Variants in CCSER1 observed in about 807,000 individuals in gnomAD.
The protein encoded by CCSER1 is coiled-coil serine rich protein 1.
In CCSER1, 41 loss-of-function variants were observed where a neutral mutation model predicts 82.0. The ratio of observed to expected loss-of-function variants is 0.50; its 90% confidence interval spans 0.39 to 0.65. CCSER1 has a LOEUF of 0.65. Ranked by LOEUF, CCSER1 falls within the 30% of genes least tolerant of loss-of-function variation. The pLI, the probability that CCSER1 is intolerant of heterozygous loss-of-function variation, is 0.00. For missense variants in CCSER1, 1,119 were observed against 1,064.2 expected (o/e 1.05, Z -0.72); for synonymous variants, 414 against 383.9 (o/e 1.08, Z -0.92).
intron 9 of CCSER1, among the ~76,000 whole-genome samples, chr4:90,952,634 CAT>C (rs1377392242): frequency 6.6e-6 from 1 of 152,044 alleles, no homozygotes; most frequent in African/African-American, 2.4e-5. Flanking sequence ...ATCATAATGT[CAT>C]AGTCCTAGAC....
At chr4:90,369,761 T>C (rs1373660210) in intron 3 of CCSER1, among the ~76,000 whole-genome samples, 1 of 151,966 alleles carries the variant, frequency 6.6e-6, no homozygotes, top group Non-Finnish European at 1.5e-5. Flanking sequence ...CACCTACCCC[T>C]CCAGTTCTAA....
At chr4:90,485,800 G>A (rs575752801) in intron 5 of CCSER1, among the ~76,000 whole-genome samples, 2 of 152,166 alleles carry the variant, frequency 1.3e-5, no homozygotes, top group East Asian at 3.9e-4. Context: ...AATACAGTAT[G>A]TGGTTTTCTG....
chr4:91,515,540 C>G (rs1702182360), intron 10 of CCSER1, among the ~76,000 whole-genome samples: 1 of 152,114 alleles, frequency 6.6e-6, no homozygotes, highest in African/African-American at 2.4e-5. Context: ...TAATCTTGTT[C>G]TTTTTATGGC....
intron 4 of CCSER1, among the ~76,000 whole-genome samples, chr4:90,455,619 C>A (rs992280796): frequency 6.6e-6 from 1 of 152,150 alleles, no homozygotes; most frequent in African/African-American, 2.4e-5. Flanking sequence ...TTTCTTCTGA[C>A]CTTATATCCC....
At chr4:91,208,224 C>T (rs899930192) in intron 10 of CCSER1, among the ~76,000 whole-genome samples, 8 of 151,668 alleles carry the variant, frequency 5.3e-5, no homozygotes, top group South Asian at 2.1e-4. Context: ...TGTGCAGAAG[C>T]GCTTTAATTA....
At chr4:90,363,457 C>G (rs999573416) in intron 3 of CCSER1, among the ~76,000 whole-genome samples, 1 of 152,038 alleles carries the variant, frequency 6.6e-6, no homozygotes, top group Non-Finnish European at 1.5e-5. Flanking sequence ...CTAAAGTACA[C>G]CAGATCTGTT....
At chr4:91,124,808 C>A (rs1457294140) in intron 10 of CCSER1, among the ~76,000 whole-genome samples, 1 of 151,646 alleles carries the variant, frequency 6.6e-6, no homozygotes, top group Non-Finnish European at 1.5e-5. Flanking sequence ...TCTTAGTAAT[C>A]AGAGTTTGGA....
intron 7 of CCSER1, among the ~76,000 whole-genome samples, chr4:90,792,536 G>C (rs771319371): frequency 7.9e-5 from 12 of 152,174 alleles, no homozygotes; most frequent in Non-Finnish European, 1.6e-4. Context: ...TGGCAGAAGG[G>C]TGCCTACTAC....
At chr4:91,583,375 C>A (rs1337208969) in intron 10 of CCSER1, among the ~76,000 whole-genome samples, 1 of 149,468 alleles carries the variant, frequency 6.7e-6, no homozygotes, top group African/African-American at 2.4e-5. Context: ...TTAAATTCTT[C>A]TTGTCCAGCA....
chr4:91,241,569 A>C (rs370315238), intron 10 of CCSER1, among the ~76,000 whole-genome samples: 18,396 of 149,710 alleles, frequency 0.12, 1,303 homozygotes, highest in Middle Eastern at 0.18. Context: ...CTCTTGATCC[A>C]CCCGCCTCAG....
rs577811817 is a variant in CCSER1, at chr4:90,565,314, G to T, written c.1725-62711G>T. Among the ~76,000 whole-genome samples the T allele has an allele frequency of 4.0e-5, 6 of 151,094 alleles. No homozygotes were observed. In the South Asian group the frequency reaches 1.0e-3, roughly 26 times the overall value. On this transcript the variant is annotated intron_variant, in intron 5 of 10. Transcript: ENST00000509176. The stretch of plus-strand genomic sequence containing the variant: ...TTGTTTTCTTATTTTCAGATATTTT[G>T]CTGTTAGTGCATAAAAATAGTACTG...
chr4:90,570,783 A>T (rs1350198457), intron 5 of CCSER1, among the ~76,000 whole-genome samples: 3 of 152,170 alleles, frequency 2.0e-5, no homozygotes, highest in Non-Finnish European at 4.4e-5. Context: ...AGCATGGCAG[A>T]GTAAGAGCCT....
At chr4:90,738,497 A>G (rs1561046802) in intron 7 of CCSER1, among the ~76,000 whole-genome samples, 1 of 152,154 alleles carries the variant, frequency 6.6e-6, no homozygotes, top group East Asian at 1.9e-4. Context: ...TGGGTTGTCA[A>G]GAGCTGGGGA....
chr4:90,717,250 G>C (rs1205109320), intron 6 of CCSER1, among the ~76,000 whole-genome samples: 1 of 152,092 alleles, frequency 6.6e-6, no homozygotes, highest in Non-Finnish European at 1.5e-5. Context: ...TGGATTGAAA[G>C]TTTAGGAGAA....
intron 9 of CCSER1, among the ~76,000 whole-genome samples, chr4:91,000,219 G>GGTATAGTATAGTATAGTATA (rs60452811): frequency 1.6e-5 from 2 of 127,668 alleles, no homozygotes; most frequent in Non-Finnish European, 3.6e-5. Context: ...GTATAGTATA[G>GGTATAGTATAGTATAGTATA]GTATAGTATA....
chr4:91,092,336 A>T (rs1324460303), intron 10 of CCSER1, among the ~76,000 whole-genome samples: 2 of 152,188 alleles, frequency 1.3e-5, no homozygotes, highest in Non-Finnish European at 2.9e-5. Flanking sequence ...GGGTTACTTC[A>T]TGAGCTTTTT....
At chr4:91,379,177 A>G (rs1750672503) in intron 10 of CCSER1, among the ~76,000 whole-genome samples, 1 of 152,180 alleles carries the variant, frequency 6.6e-6, no homozygotes, top group South Asian at 2.1e-4. Flanking sequence ...GGATTTTTGC[A>G]TCGATCTTCA....
chr4:91,342,275 G>T (rs1318463416), intron 10 of CCSER1, among the ~76,000 whole-genome samples: 1 of 152,156 alleles, frequency 6.6e-6, no homozygotes, highest in African/African-American at 2.4e-5. Context: ...AATAGAGCTA[G>T]AATTCAAACC....
intron 10 of CCSER1, among the ~76,000 whole-genome samples, chr4:91,178,522 T>C (rs1259802253): frequency 6.6e-6 from 1 of 152,224 alleles, no homozygotes; most frequent in Non-Finnish European, 1.5e-5. Context: ...TTTAGGATAG[T>C]TAGCTCTTCT....
Sources: gnomAD v4.1 joint callset for allele counts (sites outside exome capture counted in the v4.1 genomes callset) on GRCh38, gnomAD v4.1.1 for gene constraint, MANE v1.5 for transcripts, NCBI Gene and HGNC (gene_info 2026-07-23, HGNC 2026-07-21) for gene names.